Variants in SLC24A2 observed in about 807,000 individuals in gnomAD.
The protein encoded by SLC24A2 is solute carrier family 24 member 2.
A neutral mutation model predicts 62.0 loss-of-function variants in SLC24A2; 36 were observed. That is an observed-to-expected ratio of 0.58 (90% CI 0.44 to 0.77). The LOEUF (loss-of-function observed/expected upper bound fraction) is 0.77. Ranked by LOEUF, SLC24A2 falls within the 30% of genes least tolerant of loss-of-function variation. The probability of loss-of-function intolerance (pLI) is 0.00; values close to 1 mark genes in which losing one functional copy is unlikely to be tolerated. For missense variants in SLC24A2, 846 were observed against 817.9 expected (o/e 1.03, Z -0.42); for synonymous variants, 358 against 294.0 (o/e 1.22, Z -2.23).
chr9:20,022,256 A>C, the SLC24A2 span, among the ~76,000 whole-genome samples: 1 of 152,162 alleles, frequency 6.6e-6, no homozygotes, highest in African/African-American at 2.4e-5. Context: ...ATATACCACA[A>C]ACAGGTAATT....
chr9:19,991,690 G>A, the SLC24A2 span, among the ~76,000 whole-genome samples: 1 of 152,268 alleles, frequency 6.6e-6, no homozygotes, highest in African/African-American at 2.4e-5. Flanking sequence ...TTAGTCTGTG[G>A]TAATAATTTT....
At chr9:20,247,708 T>C in the SLC24A2 span, among the ~76,000 whole-genome samples, 4 of 152,204 alleles carry the variant, frequency 2.6e-5, no homozygotes, top group African/African-American at 4.8e-5. Context: ...CAGAGTAAGA[T>C]ACTTTGATAA....
At chr9:20,164,290 AAAAC>A in the SLC24A2 span, among the ~76,000 whole-genome samples, 2 of 151,928 alleles carry the variant, frequency 1.3e-5, no homozygotes, top group Non-Finnish European at 2.9e-5. Flanking sequence ...TTACAAGAAA[AAAAC>A]AAACAACCCC....
At chr9:19,523,363 A>T (rs2132644245) in intron 9 of SLC24A2, among the ~76,000 whole-genome samples, 1 of 152,300 alleles carries the variant, frequency 6.6e-6, no homozygotes, top group Admixed American at 6.5e-5. Flanking sequence ...TGAGGATAAT[A>T]TCCACTCAGA....
the SLC24A2 span, among the ~76,000 whole-genome samples, chr9:20,135,655 G>A: frequency 1.8e-4 from 27 of 152,174 alleles, no homozygotes; most frequent in Middle Eastern, 3.4e-3. Context: ...CCACAGAGGG[G>A]TTACAACTAC....
At chr9:19,694,135 A>G (rs1820119343) in intron 2 of SLC24A2, among the ~76,000 whole-genome samples, 1 of 152,184 alleles carries the variant, frequency 6.6e-6, no homozygotes, top group South Asian at 2.1e-4. Flanking sequence ...TTCATTCTAA[A>G]TAAACATGCT....
At chr9:19,650,690 G>C (rs1461365825) in intron 2 of SLC24A2, among the ~76,000 whole-genome samples, 1 of 150,980 alleles carries the variant, frequency 6.6e-6, no homozygotes, top group African/African-American at 2.4e-5. Flanking sequence ...AGACAGCCAG[G>C]CCATCTGCAG....
the SLC24A2 span, among the ~76,000 whole-genome samples, chr9:20,152,217 T>C: frequency 2.6e-5 from 4 of 151,920 alleles, no homozygotes. Context: ...AAGAGGGAGA[T>C]TTATATTTAT....
chr9:20,253,284 G>A, the SLC24A2 span, among the ~76,000 whole-genome samples: 1 of 152,114 alleles, frequency 6.6e-6, no homozygotes, highest in Non-Finnish European at 1.5e-5. Context: ...ATTAGCTCCA[G>A]CCCAGCATAC....
the SLC24A2 span, among the ~76,000 whole-genome samples, chr9:19,855,071 G>A: frequency 3.3e-5 from 5 of 151,978 alleles, no homozygotes; most frequent in Admixed American, 2.0e-4. Context: ...TTTAATCTTT[G>A]TTGGTTTAAA....
At chr9:19,588,952 C>CTCTG (rs1836462001) in intron 5 of SLC24A2, among the ~76,000 whole-genome samples, 1 of 152,118 alleles carries the variant, frequency 6.6e-6, no homozygotes, top group African/African-American at 2.4e-5. Context: ...CAGAGTGAGA[C>CTCTG]TCTGTCTCCA....
chr9:19,552,207 G>A (rs1187933123), intron 7 of SLC24A2, among the ~76,000 whole-genome samples: 1 of 152,146 alleles, frequency 6.6e-6, no homozygotes, highest in Non-Finnish European at 1.5e-5. Flanking sequence ...TGCTGGCTCT[G>A]GTCCCTCTTC....
At chr9:19,726,852 G>A (rs371851421) in intron 2 of SLC24A2, among the ~76,000 whole-genome samples, 11 of 152,230 alleles carry the variant, frequency 7.2e-5, no homozygotes, top group Admixed American at 4.6e-4. Context: ...TTACACCAAC[G>A]GAGGATTTTA....
At chr9:19,521,418 G>A (rs1402989168) in intron 9 of SLC24A2, among the ~76,000 whole-genome samples, 2 of 152,214 alleles carry the variant, frequency 1.3e-5, no homozygotes, top group African/African-American at 4.8e-5. Flanking sequence ...GCACCTGGCA[G>A]TGGCACCAAG....
chr9:20,120,547 T>C, the SLC24A2 span, among the ~76,000 whole-genome samples: 1 of 152,098 alleles, frequency 6.6e-6, no homozygotes, highest in African/African-American at 2.4e-5. Flanking sequence ...TAGGGCCTAC[T>C]TGAAGGTGGA....
chr9:20,270,328 C>G, the SLC24A2 span, among the ~76,000 whole-genome samples: 2 of 152,076 alleles, frequency 1.3e-5, no homozygotes, highest in African/African-American at 4.8e-5. Context: ...AAGGAGATGT[C>G]TAGGCTATAT....
chr9:20,191,858 G>T, the SLC24A2 span, among the ~76,000 whole-genome samples: 1 of 152,050 alleles, frequency 6.6e-6, no homozygotes, highest in Non-Finnish European at 1.5e-5. Context: ...TATACTTGAG[G>T]CAGCATGTCT....
At chr9:19,984,365 G>T in the SLC24A2 span, among the ~76,000 whole-genome samples, 6 of 152,130 alleles carry the variant, frequency 3.9e-5, no homozygotes, top group East Asian at 1.2e-3. Context: ...GCACGGTACT[G>T]GCATAAAAAG....
the SLC24A2 span, among the ~76,000 whole-genome samples, chr9:19,947,166 C>G: frequency 3.6e-4 from 55 of 152,270 alleles, no homozygotes; most frequent in Non-Finnish European, 6.0e-4. Flanking sequence ...CCAACTGAGC[C>G]TGCAGTGATA....
Sources: gnomAD v4.1 joint callset for allele counts (sites outside exome capture counted in the v4.1 genomes callset) on GRCh38, gnomAD v4.1.1 for gene constraint, MANE v1.5 for transcripts, NCBI Gene and HGNC (gene_info 2026-07-23, HGNC 2026-07-21) for gene names.